The following USH2A variants were observed in gnomAD, a reference collection of about 807,000 sequenced individuals.
USH2A encodes the protein Usher syndrome 2A (autosomal recessive, mild).
In USH2A, 443 loss-of-function variants were observed where a neutral mutation model predicts 538.9. The ratio of observed to expected loss-of-function variants is 0.82; its 90% CI spans 0.76 to 0.89. The LOEUF is 0.89. Among genes scored for constraint, USH2A ranks in the 40% least tolerant of loss-of-function variants. The pLI, the probability that USH2A is intolerant of heterozygous loss-of-function variation, is 0.00. For synonymous variants in USH2A, 2,413 were observed against 2,273.5 expected (o/e 1.06, Z -1.75); for missense variants, 6,633 against 6,324.8 (o/e 1.05, Z -1.65).
intron 32 of USH2A, among the ~76,000 whole-genome samples, chr1:216,041,886 A>G (rs1203598316): frequency 6.6e-6 from 1 of 152,062 alleles, no homozygotes; most frequent in Non-Finnish European, 1.5e-5. Flanking sequence ...AGAATATAAA[A>G]TTCACTGCTG....
At position 216,199,773 on chromosome 1, in the gene USH2A, G is replaced by T. The variant is rs200081251; in HGVS notation, c.3665C>A (p.Ala1222Glu). The T allele has an allele frequency of 6.2e-7, 1 of 1,614,086 alleles. No individual in the cohort carries two copies. The change falls in exon 17 of 72, where the codon GCG becomes GAG. Residue 1222 changes from alanine (A) to glutamate (E), a missense_variant. Transcript: ENST00000307340. The part of the protein sequence containing the change: ...PFAKYDFSVQ[A>E]CTSGGCLHSL... ...GTGTAAACAGCCCCCGCTAGTACAC[G>T]CCTGTACAGAAAAATCGTACTTGGC...
chr1:215,770,147 C>A (rs1416042490), intron 55 of USH2A, among the ~76,000 whole-genome samples: 1 of 152,140 alleles, frequency 6.6e-6, no homozygotes. Context: ...TGTCCACTAT[C>A]AGGCTTTGTA....
intron 45 of USH2A, among the ~76,000 whole-genome samples, 176 bp from the exon 46 acceptor site, chr1:215,844,672 A>G (rs1446335432): frequency 5.3e-5 from 8 of 152,346 alleles, no homozygotes; most frequent in South Asian, 2.1e-4. Context: ...ACTCTCAGTT[A>G]GAAACCATAA....
At chr1:215,786,033 C>G (rs745971408) in intron 52 of USH2A, among the ~76,000 whole-genome samples, 78 of 151,810 alleles carry the variant, frequency 5.1e-4, no homozygotes, top group Non-Finnish European at 8.8e-4. Flanking sequence ...ATGAATAACA[C>G]AAATTTAATT....
intron 4 of USH2A, among the ~76,000 whole-genome samples, chr1:216,340,717 A>G (rs2038060996): frequency 6.6e-6 from 1 of 152,138 alleles, no homozygotes; most frequent in South Asian, 2.1e-4. Flanking sequence ...AACGTAATCT[A>G]TCACATAAAC....
intron 11 of USH2A, among the ~76,000 whole-genome samples, chr1:216,251,950 C>A (rs1286811716): frequency 1.3e-5 from 2 of 152,024 alleles, no homozygotes; most frequent in Non-Finnish European, 2.9e-5. Context: ...ACCCAACTCC[C>A]CTTTTAGGAC....
chr1:216,127,823 G>A (rs1299997931), intron 21 of USH2A, among the ~76,000 whole-genome samples: 2 of 152,068 alleles, frequency 1.3e-5, no homozygotes, highest in African/African-American at 4.8e-5. Context: ...TTGTAGAATG[G>A]CCTTTCCTTG....
At chr1:215,987,279 A>G (rs750909225) in intron 35 of USH2A, among the ~76,000 whole-genome samples, 1 of 152,226 alleles carries the variant, frequency 6.6e-6, no homozygotes, top group Non-Finnish European at 1.5e-5. Context: ...CGCAATTGCA[A>G]TCTACACAAT....
chr1:216,144,194 T>A (rs932999393), intron 21 of USH2A, among the ~76,000 whole-genome samples: 1 of 152,202 alleles, frequency 6.6e-6, no homozygotes, highest in African/African-American at 2.4e-5. Context: ...ATGTAGCTAA[T>A]CTTCCCTGGC....
intron 22 of USH2A, among the ~76,000 whole-genome samples, chr1:216,089,926 T>C (rs2032253901): frequency 6.6e-6 from 1 of 152,024 alleles, no homozygotes; most frequent in Non-Finnish European, 1.5e-5. Flanking sequence ...TTACCTATAG[T>C]AACATTTTCT....
chr1:216,074,307 T>C (rs893806905), intron 27 of USH2A, among the ~76,000 whole-genome samples: 3 of 145,484 alleles, frequency 2.1e-5, no homozygotes, highest in African/African-American at 2.6e-5. Context: ...GAGTTTGAGA[T>C]TGCTGTAGCG....
intron 35 of USH2A, among the ~76,000 whole-genome samples, chr1:215,975,398 G>T (rs1667597745): frequency 6.6e-6 from 1 of 152,036 alleles, no homozygotes. Context: ...CTTTCCCAAG[G>T]ACAACATCCA....
In USH2A at chr1:216,323,813, G is replaced by A; in HGVS notation, c.1329-118C>T. On this transcript the variant is annotated intron_variant, in intron 7 of 71. Transcript: ENST00000307340. Reference sequence around the variant, plus strand: ...ATAAAAGCTTAAATTATTCATTCTAGGAAAAGCATATTCCATATATTTCAT... The same window carrying A: ...ATAAAAGCTTAAATTATTCATTCTAAGAAAAGCATATTCCATATATTTCAT... 11 of 966,522 alleles carry A rather than the reference G, an allele frequency of 1.1e-5. No homozygotes were observed. In the South Asian group the frequency reaches 1.3e-4, roughly 11 times the overall value. 59.9% of individuals were successfully genotyped at this position (966,522 alleles called of 1,614,324 possible).
intron 47 of USH2A, among the ~76,000 whole-genome samples, chr1:215,826,791 A>T (rs1663168533): frequency 6.6e-6 from 1 of 152,178 alleles, no homozygotes; most frequent in Non-Finnish European, 1.5e-5. Context: ...AGACAGCTCC[A>T]TAAAATGGTT....
chr1:216,147,529 G>T (rs1018323096), intron 21 of USH2A, among the ~76,000 whole-genome samples: 3 of 151,922 alleles, frequency 2.0e-5, no homozygotes, highest in Non-Finnish European at 4.4e-5. Flanking sequence ...ACACTTTACA[G>T]CCCTAGACCC....
chr1:216,329,015 C>G (rs1355397481), intron 4 of USH2A, among the ~76,000 whole-genome samples: 1 of 152,114 alleles, frequency 6.6e-6, no homozygotes, highest in Non-Finnish European at 1.5e-5. Context: ...TCCACATACC[C>G]CATGAGCTGA....
chr1:215,831,876 T>C (rs183975518), intron 47 of USH2A, among the ~76,000 whole-genome samples: 221 of 151,938 alleles, frequency 1.5e-3, no homozygotes, highest in African/African-American at 5.1e-3. Context: ...AAGCCAAAAA[T>C]GGTTCTTTGA....
chr1:215,634,734 G>A, intron 69 of USH2A, 31 bp from the exon 70 acceptor site: 1 of 1,614,192 alleles, frequency 6.2e-7, no homozygotes, highest in Non-Finnish European at 8.5e-7. Flanking sequence ...AAGGGGAAAT[G>A]TTATTTCAGA....
At chr1:215,773,482 C>T (rs1661351082) in intron 55 of USH2A, among the ~76,000 whole-genome samples, 1 of 118,938 alleles carries the variant, frequency 8.4e-6, no homozygotes, top group Non-Finnish European at 1.6e-5. Context: ...GGATGTCTCT[C>T]TGTCTCTCTG....
Sources: allele counts gnomAD v4.1 joint callset (sites outside exome capture counted in the v4.1 genomes callset), GRCh38; gene constraint gnomAD v4.1.1; transcripts MANE v1.5; gene names NCBI Gene and HGNC (gene_info 2026-07-23, HGNC 2026-07-21).